DPP6: variants seen among roughly 807,000 people sequenced by gnomAD.
DPP6 encodes A-type potassium channel modulatory protein DPP6.
Under a neutral mutation model 122.6 loss-of-function variants are expected in DPP6, and 69 were observed. The ratio of observed to expected loss-of-function variants is 0.56; its 90% confidence interval spans 0.46 to 0.69. The LOEUF is 0.69. Among genes scored for constraint, DPP6 ranks in the 30% least tolerant of loss-of-function variants. DPP6 has a pLI of 0.00. For missense variants in DPP6, 928 were observed against 1,116.9 expected, an observed-to-expected ratio of 0.83 and a Z score of 2.41; for synonymous variants, 418 against 433.1, an observed-to-expected ratio of 0.97 and a Z score of 0.43.
chr7:154,429,563 C>T (rs1818187837), intron 1 of DPP6, among the ~76,000 whole-genome samples: 2 of 152,198 alleles, frequency 1.3e-5, no homozygotes, highest in East Asian at 1.9e-4. Context: ...CAAGAGGCTT[C>T]GTGAACTCGG....
the DPP6 span, among the ~76,000 whole-genome samples, chr7:153,846,474 T>C: frequency 1.9e-4 from 29 of 152,100 alleles, no homozygotes; most frequent in African/African-American, 6.8e-4. Flanking sequence ...TGAATTCAAC[T>C]TATTAATTTT....
intron 1 of DPP6, among the ~76,000 whole-genome samples, chr7:154,445,707 T>G (rs1819805282): frequency 6.6e-6 from 1 of 151,622 alleles, no homozygotes; most frequent in African/African-American, 2.4e-5. Flanking sequence ...TTGGTGAAAA[T>G]TGGCACATAG....
rs548801279 is a variant in DPP6, at chr7:154,549,180, G to A, written c.552+8554G>A. Among the ~76,000 whole-genome samples the A allele has an allele frequency of 2.6e-5, 4 of 152,312 alleles. No individual in the cohort carries two copies. The East Asian group carries it at 5.8e-4, about 22-fold the overall frequency. ...AATAAAGGTTTATTGGAAGCCACAG[G>A]TGAGAATCGATCTGGGAAAACACAC... On this transcript the variant is annotated intron_variant, in intron 4 of 25. Coordinates refer to ENST00000377770, the MANE Select transcript of DPP6 (RefSeq NM_130797.4).
intron 10 of DPP6, among the ~76,000 whole-genome samples, chr7:154,779,296 TATCA>T (rs1398234559): frequency 4.6e-4 from 25 of 54,534 alleles, no homozygotes; most frequent in Non-Finnish European, 8.2e-4. Flanking sequence ...CCCCCACTAC[TATCA>T]CCACCACCCC....
the DPP6 span, among the ~76,000 whole-genome samples, chr7:153,780,212 T>C: frequency 6.6e-6 from 1 of 152,208 alleles, no homozygotes; most frequent in Non-Finnish European, 1.5e-5. Flanking sequence ...GAAAGCAGCA[T>C]TGCTCATATT....
chr7:154,582,893 T>C lies in DPP6; in HGVS notation c.627+15977T>C, dbSNP rs906200979. Among the ~76,000 whole-genome samples, 5 of 152,112 alleles carry C rather than the reference T, an allele frequency of 3.3e-5. No individual in the cohort carries two copies. The East Asian group carries it at 9.6e-4, about 29-fold the overall frequency. On this transcript the variant is annotated intron_variant, in intron 5 of 25. Coordinates refer to ENST00000377770, the MANE Select transcript of DPP6 (RefSeq NM_130797.4). Reference sequence around the variant, plus strand: ...GGGAACAGTATGAGTGTCTTCCCCATGTTATACCCCCGGGGGAAGGTATGA... The same window carrying C: ...GGGAACAGTATGAGTGTCTTCCCCACGTTATACCCCCGGGGGAAGGTATGA...
chr7:154,615,444 CATAT>C, intron 5 of DPP6, among the ~76,000 whole-genome samples: 1 of 152,176 alleles, frequency 6.6e-6, no homozygotes, highest in Non-Finnish European at 1.5e-5. Flanking sequence ...CTATTAATCA[CATAT>C]TGAATTTTAA....
In DPP6 at chr7:154,863,479, CTGAG is replaced by C. The variant is rs959116229; in HGVS notation, c.1715-4514_1715-4511del. 1.3e-5 allele frequency among the ~76,000 whole-genome samples: 2 copies of C among 151,862 alleles called. No individual in the cohort carries two copies. Among genetic ancestry groups the C allele is most frequent in the Admixed American group, 1.3e-4 (2 of 15,250 alleles). On this transcript the variant is annotated intron_variant, in intron 17 of 25. Coordinates refer to ENST00000377770, the MANE Select transcript of DPP6 (RefSeq NM_130797.4). The surrounding 1 kb of genome is among the most constrained non-coding windows in gnomAD (Gnocchi z 4.1). ...CAAGCTGTCCTCCCACCTCAGCCTC[CTGAG>C]TAACTGGGACCACAGGTGTGTGCCA...
At chr7:154,342,378 C>T (rs1810008698) in intron 1 of DPP6, among the ~76,000 whole-genome samples, 1 of 152,196 alleles carries the variant, frequency 6.6e-6, no homozygotes, top group Non-Finnish European at 1.5e-5. Flanking sequence ...GAGGCCTTCA[C>T]ATGTTTGGGG....
chr7:154,285,624 C>A (rs192936593), intron 1 of DPP6, among the ~76,000 whole-genome samples: 2 of 152,300 alleles, frequency 1.3e-5, no homozygotes, highest in Admixed American at 6.5e-5. Flanking sequence ...TAGTAACTTC[C>A]TGTGAGGAAA....
At chr7:154,262,541 G>A (rs1431545725) in intron 1 of DPP6, among the ~76,000 whole-genome samples, 7 of 151,868 alleles carry the variant, frequency 4.6e-5, no homozygotes, top group African/African-American at 1.2e-4. Flanking sequence ...TCGGGCTTTC[G>A]GCCTCCAGAA....
At chr7:154,406,462 TGCACAC>T (rs775755502) in intron 1 of DPP6, among the ~76,000 whole-genome samples, 15 of 143,270 alleles carry the variant, frequency 1.0e-4, no homozygotes, top group Admixed American at 6.1e-4. Flanking sequence ...CACATGCACA[TGCACAC>T]GCACACGCAT....
the DPP6 span, among the ~76,000 whole-genome samples, chr7:153,824,912 T>C: frequency 2.0e-5 from 3 of 152,118 alleles, no homozygotes; most frequent in Non-Finnish European, 2.9e-5. Context: ...GGCTTCACCT[T>C]CTCCAGTGTG....
intron 5 of DPP6, among the ~76,000 whole-genome samples, chr7:154,599,542 G>A (rs1393082658): frequency 1.3e-5 from 2 of 150,564 alleles, no homozygotes; most frequent in African/African-American, 2.4e-5. Context: ...TTAAGTTCTA[G>A]GGTACATGTG....
rs1817570517 is a variant in DPP6 at position 154,422,692 on chromosome 7, GGT to G, written c.244-23520_244-23519del. On this transcript the variant is annotated intron_variant, in intron 1 of 25. Coordinates refer to ENST00000377770, the MANE Select transcript of DPP6 (RefSeq NM_130797.4). ...TGGGTGGATGGGTGGATGGATGGAT[GGT>G]GAGTGGGTGGGTAGATGGATGGGTG... 2.8e-5 allele frequency among the ~76,000 whole-genome samples: 4 copies of G among 143,624 alleles called. No individual in the cohort carries two copies. The South Asian group carries it at 7.2e-4, about 26-fold the overall frequency. The allele number at this position is 143,624 out of a possible 152,430, so 94.2% of individuals were successfully genotyped here. A position where few individuals can be genotyped will look rare whatever the true frequency, so the allele number is the denominator to read the frequency against.
chr7:154,634,752 A>G (rs1307834875), intron 5 of DPP6, among the ~76,000 whole-genome samples: 2 of 150,192 alleles, frequency 1.3e-5, no homozygotes, highest in East Asian at 3.9e-4. Context: ...TGATAGGGTT[A>G]TTTTAATTGC....
At chr7:154,324,442 C>A (rs1808245519) in intron 1 of DPP6, among the ~76,000 whole-genome samples, 1 of 152,184 alleles carries the variant, frequency 6.6e-6, no homozygotes, top group Admixed American at 6.5e-5. Context: ...TCTCTGGGGC[C>A]CGTATCAGAA....
At chr7:154,732,804 C>T (rs1586978728) in intron 8 of DPP6, among the ~76,000 whole-genome samples, 3 of 152,190 alleles carry the variant, frequency 2.0e-5, no homozygotes, top group Admixed American at 6.5e-5. Context: ...AGCATTTCCC[C>T]GTGCATGTCA....
At chr7:153,851,451 C>T in the DPP6 span, among the ~76,000 whole-genome samples, 2 of 152,088 alleles carry the variant, frequency 1.3e-5, no homozygotes, top group Admixed American at 1.3e-4. Context: ...ATATTACTCC[C>T]TTCACCTTTT....
Sources: gnomAD v4.1 joint callset for allele counts (sites outside exome capture counted in the v4.1 genomes callset) on GRCh38, gnomAD v4.1.1 for gene constraint, Gnocchi (gnomAD v3.1) non-coding constraint, MANE v1.5 for transcripts, NCBI Gene and HGNC (gene_info 2026-07-23, HGNC 2026-07-21) for gene names.